Variants in SLC4A4 observed in about 807,000 individuals in gnomAD.
SLC4A4 encodes the protein electrogenic sodium bicarbonate cotransporter 1.
Under a neutral mutation model 111.5 loss-of-function variants are expected in SLC4A4, and 27 were observed. That is an observed-to-expected ratio of 0.24 (90% CI 0.18 to 0.33). The LOEUF (loss-of-function observed/expected upper bound fraction) is 0.33. SLC4A4 is among the 10% of genes least tolerant of loss of function. SLC4A4 has a pLI of 1.00. For missense variants in SLC4A4, 909 were observed against 1,315.5 expected, an observed-to-expected ratio of 0.69 and a Z score of 4.78; for synonymous variants, 443 against 463.4, an observed-to-expected ratio of 0.96 and a Z score of 0.57.
chr4:71,362,831 C>T (rs187612078), intron 6 of SLC4A4, among the ~76,000 whole-genome samples: 7 of 152,174 alleles, frequency 4.6e-5, no homozygotes, highest in Admixed American at 6.5e-5. Flanking sequence ...CCAAGGAGAG[C>T]GGCTGGCTCC....
At chr4:71,087,915 T>G (rs530897337) in intron 1 of SLC4A4, among the ~76,000 whole-genome samples, 1,815 of 152,064 alleles carry the variant, frequency 0.012, 43 homozygotes, top group African/African-American at 0.042. Flanking sequence ...TAGATGTCTA[T>G]TAGGTCTGCT....
rs1403579456 is a variant in SLC4A4 at position 71,502,394 on chromosome 4, C to CT, written c.2166+4705dup. On this transcript the variant is annotated intron_variant, in intron 16 of 25. Coordinates refer to ENST00000264485, the MANE Select transcript of SLC4A4 (RefSeq NM_001098484.3). ...AATTTTGAGTTTAGTTTGTTTTTGT[C>CT]TTTCTAGCTCCTTGACATGCTTCCT... Among the ~76,000 whole-genome samples the CT allele has an allele frequency of 4.6e-5, 7 of 152,116 alleles. No individual in the cohort carries two copies. The South Asian group carries it at 1.4e-3, about 32-fold the overall frequency.
At chr4:71,125,906 A>C (rs896807375) in intron 2 of SLC4A4, among the ~76,000 whole-genome samples, 1 of 152,214 alleles carries the variant, frequency 6.6e-6, no homozygotes, top group African/African-American at 2.4e-5. Flanking sequence ...GAAGCAGGAA[A>C]TACTACAAAC....
At chr4:71,280,854 T>G (rs1332753795) in intron 3 of SLC4A4, among the ~76,000 whole-genome samples, 1 of 152,222 alleles carries the variant, frequency 6.6e-6, no homozygotes, top group Non-Finnish European at 1.5e-5. Context: ...GAGGTTTAGG[T>G]CAAGGTTTAT....
chr4:71,523,295 T>G (rs1241446168), intron 16 of SLC4A4, among the ~76,000 whole-genome samples: 2 of 152,346 alleles, frequency 1.3e-5, no homozygotes, highest in East Asian at 3.9e-4. Flanking sequence ...AGGTATTTTA[T>G]ATCAAGGAAA....
chr4:71,121,137 C>T (rs1743408658), intron 2 of SLC4A4, among the ~76,000 whole-genome samples: 2 of 152,292 alleles, frequency 1.3e-5, no homozygotes, highest in African/African-American at 4.8e-5. Flanking sequence ...CACTCGAATT[C>T]TTGCAGGGCC....
chr4:71,514,105 A>G (rs1194939651), intron 16 of SLC4A4, among the ~76,000 whole-genome samples: 11 of 151,814 alleles, frequency 7.2e-5, no homozygotes, highest in Non-Finnish European at 1.6e-4. Flanking sequence ...CTTTTTTTCT[A>G]TTCTTGTCTG....
At chr4:71,297,509 A>ACAC (rs1724890045) in intron 3 of SLC4A4, among the ~76,000 whole-genome samples, 1 of 132,056 alleles carries the variant, frequency 7.6e-6, no homozygotes, top group Non-Finnish European at 1.6e-5. Flanking sequence ...CACACAGACA[A>ACAC]ACACACACAC....
At chr4:71,521,614 T>A (rs945987424) in intron 16 of SLC4A4, among the ~76,000 whole-genome samples, 5 of 151,990 alleles carry the variant, frequency 3.3e-5, no homozygotes, top group African/African-American at 1.2e-4. Context: ...TTAAGGTAAT[T>A]TGAGGATTTA....
intron 2 of SLC4A4, among the ~76,000 whole-genome samples, chr4:71,096,608 A>G (rs1480664158): frequency 6.6e-6 from 1 of 152,238 alleles, no homozygotes; most frequent in South Asian, 2.1e-4. Context: ...CACATTTTAA[A>G]TAAAAATGGG....
At chr4:71,210,963 CA>C (rs1337620798) in intron 1 of SLC4A4, among the ~76,000 whole-genome samples, 10 of 152,138 alleles carry the variant, frequency 6.6e-5, no homozygotes. Context: ...TCAGAATTTC[CA>C]AAGAATTGTC....
At chr4:71,520,316 A>G (rs1732813081) in intron 16 of SLC4A4, among the ~76,000 whole-genome samples, 3 of 151,050 alleles carry the variant, frequency 2.0e-5, no homozygotes, top group Non-Finnish European at 4.4e-5. Flanking sequence ...TGAGTTGTTA[A>G]GACTTTAAAC....
intron 7 of SLC4A4, among the ~76,000 whole-genome samples, chr4:71,421,131 A>T (rs1211228319): frequency 1.3e-5 from 2 of 151,268 alleles, no homozygotes; most frequent in Non-Finnish European, 2.9e-5. Context: ...AAATAAAAGG[A>T]TGGAGGAAGA....
At chr4:71,269,977 T>A (rs1279678457) in intron 3 of SLC4A4, among the ~76,000 whole-genome samples, 1 of 152,200 alleles carries the variant, frequency 6.6e-6, no homozygotes, top group East Asian at 1.9e-4. Context: ...AGTATAAAGC[T>A]TTCAAAGGGC....
At chr4:71,546,006 C>G (rs1419829766) in intron 18 of SLC4A4, among the ~76,000 whole-genome samples, 2 of 152,036 alleles carry the variant, frequency 1.3e-5, no homozygotes, top group East Asian at 3.9e-4. Context: ...GGTCTTAAGT[C>G]CTCTATGGAG....
chr4:71,300,254 G>T, intron 3 of SLC4A4: 1 of 205,740 alleles, frequency 4.9e-6, no homozygotes, highest in Admixed American at 4.5e-5. Context: ...AGGAGGTCAG[G>T]GACTAGCGTC....
At position 71,486,970 on chromosome 4, in the gene SLC4A4, C is replaced by T. The variant is rs778898632; in HGVS notation, c.1926C>T (p.Asp642=). 6.2e-7 allele frequency: 1 copy of T among 1,601,694 alleles called. No individual in the cohort carries two copies. Among genetic ancestry groups the T allele is most frequent in the Non-Finnish European group, 8.5e-7 (1 of 1,170,938 alleles). ...PDPANISISN[D]TTLAPEYLPT... ...CAGCTAATATCTCAATATCTAATGA[C>T]ACCACACTGGCCCCAGAGTATTTGC... is the stretch of plus-strand genomic sequence containing the variant. Residue 642 remains aspartate (D), a synonymous_variant, in exon 15 of 26, where the codon GAC becomes GAT. Transcript: ENST00000264485.
At chr4:71,561,805 A>G (rs1737002920) in intron 23 of SLC4A4, among the ~76,000 whole-genome samples, 2 of 151,870 alleles carry the variant, frequency 1.3e-5, no homozygotes, top group Admixed American at 1.3e-4. Flanking sequence ...CAAGACCAAA[A>G]AAATAAAAGG....
At chr4:71,178,344 A>G (rs1014611730) in intron 2 of SLC4A4, among the ~76,000 whole-genome samples, 3 of 152,216 alleles carry the variant, frequency 2.0e-5, no homozygotes, top group Non-Finnish European at 4.4e-5. Flanking sequence ...AAGGCAAGAA[A>G]TAACTAAGAT....
Sources: allele counts gnomAD v4.1 joint callset (sites outside exome capture counted in the v4.1 genomes callset), GRCh38; gene constraint gnomAD v4.1.1; transcripts MANE v1.5; gene names NCBI Gene and HGNC (gene_info 2026-07-23, HGNC 2026-07-21).